MACROD2: variants seen among roughly 807,000 people sequenced by gnomAD.
MACROD2 encodes ADP-ribose glycohydrolase MACROD2.
In MACROD2, 36 loss-of-function variants were observed where a neutral mutation model predicts 70.4. The observed-to-expected ratio is 0.51, with a 90% CI of 0.39 to 0.68. The LOEUF is 0.68. MACROD2 is among the 30% of genes least tolerant of loss of function. MACROD2 has a pLI of 0.00. For synonymous variants in MACROD2, 172 were observed against 178.8 expected, an observed-to-expected ratio of 0.96 and a Z score of 0.30; for missense variants, 496 against 538.4, an observed-to-expected ratio of 0.92 and a Z score of 0.78.
Position 15,276,285 on chromosome 20 carries a change from G to A in MACROD2, c.540+46224G>A, listed in dbSNP as rs559171428. On this transcript the variant is annotated intron_variant, in intron 6 of 17. Transcript: ENST00000684519. ...CATGGTGGCAGGCGCCTGTAGTCCC[G>A]GCTACTCGGGAGGCTGAGGTAGGAG... Among the ~76,000 whole-genome samples, 6 of 151,806 alleles carry A rather than the reference G, an allele frequency of 4.0e-5. No individual in the cohort carries two copies. The South Asian group carries it at 8.4e-4, about 21-fold the overall frequency.
chr20:15,372,793 T>G (rs2045510792), intron 6 of MACROD2, among the ~76,000 whole-genome samples: 1 of 152,232 alleles, frequency 6.6e-6, no homozygotes, highest in Non-Finnish European at 1.5e-5. Context: ...AATGCATGTC[T>G]GTAATCCCAG....
chr20:15,104,063 T>A (rs988465815), intron 5 of MACROD2, among the ~76,000 whole-genome samples: 9 of 152,000 alleles, frequency 5.9e-5, no homozygotes, highest in Non-Finnish European at 1.0e-4. Flanking sequence ...AGGGGAGAAA[T>A]GGACCTACTC....
intron 6 of MACROD2, among the ~76,000 whole-genome samples, chr20:15,400,896 C>A (rs1408640890): frequency 6.6e-6 from 1 of 152,146 alleles, no homozygotes; most frequent in Non-Finnish European, 1.5e-5. Flanking sequence ...ATTTGTGCCC[C>A]ATGAGGGAGG....
At chr20:14,159,615 T>G (rs1265228226) in intron 3 of MACROD2, among the ~76,000 whole-genome samples, 1 of 152,016 alleles carries the variant, frequency 6.6e-6, no homozygotes, top group African/African-American at 2.4e-5. Flanking sequence ...GGTCTAAGAG[T>G]TTTTTTGGTG....
chr20:14,122,839 C>G (rs967614217), intron 3 of MACROD2, among the ~76,000 whole-genome samples: 1 of 152,046 alleles, frequency 6.6e-6, no homozygotes, highest in Non-Finnish European at 1.5e-5. Flanking sequence ...TTAGATGCAC[C>G]CCTCTCATCC....
chr20:15,298,040 G>A (rs1298771906), intron 6 of MACROD2, among the ~76,000 whole-genome samples: 5 of 152,128 alleles, frequency 3.3e-5, no homozygotes, highest in Admixed American at 6.6e-5. Context: ...CATGACAAGT[G>A]GGGGCCAGAT....
intron 4 of MACROD2, among the ~76,000 whole-genome samples, chr20:14,563,402 T>A (rs560782516): frequency 2.6e-5 from 4 of 152,090 alleles, no homozygotes; most frequent in African/African-American, 9.6e-5. Flanking sequence ...TATTTAAACG[T>A]TAGCAGTTAT....
chr20:14,487,617 A>G (rs1251993187), intron 3 of MACROD2, among the ~76,000 whole-genome samples: 2 of 152,056 alleles, frequency 1.3e-5, no homozygotes, highest in Admixed American at 6.6e-5. Context: ...TCATTCCCTT[A>G]GTTATATATT....
chr20:14,938,940 A>ATTTTTTTTTTTTTTTTTTT (rs1230863391), intron 5 of MACROD2, among the ~76,000 whole-genome samples: 7 of 86,462 alleles, frequency 8.1e-5, no homozygotes, highest in African/African-American at 1.7e-4. Flanking sequence ...GTTAAATCAG[A>ATTTTTTTTTTTTTTTTTTT]TTTTTTTTTT....
chr20:16,027,275 A>C (rs10708199), intron 15 of MACROD2, among the ~76,000 whole-genome samples: 148,469 of 152,180 alleles, frequency 0.98, 72,549 homozygotes, highest in Non-Finnish European at 1. Context: ...TAAACCAGCA[A>C]GATTATTTCT....
intron 8 of MACROD2, among the ~76,000 whole-genome samples, chr20:15,794,036 CAT>C (rs2063650461): frequency 6.6e-6 from 1 of 151,470 alleles, no homozygotes; most frequent in South Asian, 2.1e-4. Flanking sequence ...CAACAGCTAT[CAT>C]AGAGAACCAC....
chr20:15,527,121 T>C (rs1040783762), intron 8 of MACROD2, among the ~76,000 whole-genome samples: 11 of 152,170 alleles, frequency 7.2e-5, no homozygotes, highest in Admixed American at 3.9e-4. Flanking sequence ...AGCATCAAGC[T>C]GTTAAGGACT....
At chr20:14,922,617 C>A (rs1326637951) in intron 5 of MACROD2, among the ~76,000 whole-genome samples, 1 of 152,122 alleles carries the variant, frequency 6.6e-6, no homozygotes, top group African/African-American at 2.4e-5. Context: ...GAATCTACAG[C>A]TTTACCGAAG....
chr20:15,613,701 G>T (rs1230539083), intron 8 of MACROD2, among the ~76,000 whole-genome samples: 2 of 152,190 alleles, frequency 1.3e-5, no homozygotes, highest in Non-Finnish European at 2.9e-5. Context: ...GCTGGGATTC[G>T]AATCCAGTCT....
At chr20:14,514,328 A>G (rs1008630432) in intron 4 of MACROD2, among the ~76,000 whole-genome samples, 1 of 152,076 alleles carries the variant, frequency 6.6e-6, no homozygotes, top group Admixed American at 6.6e-5. Flanking sequence ...TCTAGTTTTC[A>G]CCATTGGAAT....
At chr20:14,072,227 G>A (rs542929001) in intron 2 of MACROD2, among the ~76,000 whole-genome samples, 3 of 152,268 alleles carry the variant, frequency 2.0e-5, no homozygotes, top group Admixed American at 2.0e-4. Context: ...CTAGGGCAAA[G>A]GCAAGTAATG....
intron 8 of MACROD2, among the ~76,000 whole-genome samples, chr20:15,833,930 G>T (rs1184426450): frequency 6.6e-6 from 1 of 152,136 alleles, no homozygotes; most frequent in African/African-American, 2.4e-5. Flanking sequence ...GCCAGGATGT[G>T]CAGTAAACTG....
intron 2 of MACROD2, among the ~76,000 whole-genome samples, chr20:14,083,068 T>A (rs548364019): frequency 6.6e-6 from 1 of 151,120 alleles, no homozygotes; most frequent in Admixed American, 6.6e-5. Flanking sequence ...TATCTTAGTA[T>A]TGTGGTCCAT....
intron 5 of MACROD2, among the ~76,000 whole-genome samples, chr20:15,005,446 A>G (rs1038993189): frequency 6.6e-6 from 1 of 152,234 alleles, no homozygotes; most frequent in Non-Finnish European, 1.5e-5. Flanking sequence ...TAACATGGCC[A>G]AGGAATGGTA....
Sources: allele counts gnomAD v4.1 joint callset (sites outside exome capture counted in the v4.1 genomes callset), GRCh38; gene constraint gnomAD v4.1.1; transcripts MANE v1.5; gene names NCBI Gene and HGNC (gene_info 2026-07-23, HGNC 2026-07-21).